PHACTR1: variants seen among roughly 807,000 people sequenced by gnomAD.
PHACTR1 encodes the protein RPEL repeat containing 1.
PHACTR1 carries 16 observed loss-of-function variants against 69.2 expected under a neutral mutation model. That is an observed-to-expected ratio of 0.23 (90% CI 0.16 to 0.35). The LOEUF is 0.35. PHACTR1 is among the 10% of genes least tolerant of loss of function. The pLI, the probability that PHACTR1 is intolerant of heterozygous loss-of-function variation, is 1.00. For synonymous variants in PHACTR1, 312 were observed against 284.5 expected (o/e 1.10, Z -0.97); for missense variants, 510 against 734.7 (o/e 0.69, Z 3.54).
chr6:12,801,898 G>A lies in PHACTR1; in HGVS notation c.250+52108G>A, dbSNP rs557171152. 2.0e-5 allele frequency among the ~76,000 whole-genome samples: 3 copies of A among 152,044 alleles called. No individual in the cohort carries two copies. The South Asian group carries it at 6.2e-4, about 32-fold the overall frequency. On this transcript the variant is annotated intron_variant, in intron 4 of 14. Coordinates refer to ENST00000332995, the MANE Select transcript of PHACTR1 (RefSeq NM_030948.6). ...TTTACTCATAGGAATCAGGAATTAG[G>A]TTTCCGAGGAGTGACTAAATAAATT...
At chr6:13,062,664 C>A (rs974253172) in intron 5 of PHACTR1, among the ~76,000 whole-genome samples, 1 of 152,318 alleles carries the variant, frequency 6.6e-6, no homozygotes, top group African/African-American at 2.4e-5. Context: ...CCCCAGATTT[C>A]TCATTCCTCT....
chr6:13,010,568 T>C (rs1799336604), intron 4 of PHACTR1, among the ~76,000 whole-genome samples: 1 of 152,080 alleles, frequency 6.6e-6, no homozygotes. Flanking sequence ...CACCCGGAGG[T>C]CTTGTTAAAA....
chr6:12,734,069 T>C, intron 3 of PHACTR1, among the ~76,000 whole-genome samples: 1 of 152,166 alleles, frequency 6.6e-6, no homozygotes, highest in East Asian at 1.9e-4. Flanking sequence ...CCCCAGCCCC[T>C]CTGCACAGTG....
chr6:12,943,246 T>C (rs577204503), intron 4 of PHACTR1, among the ~76,000 whole-genome samples: 1 of 152,328 alleles, frequency 6.6e-6, no homozygotes, highest in Non-Finnish European at 1.5e-5. Flanking sequence ...GAAAATACTA[T>C]GCCAAGAGAA....
chr6:13,043,577 G>A (rs1804545712), intron 4 of PHACTR1, among the ~76,000 whole-genome samples: 1 of 152,204 alleles, frequency 6.6e-6, no homozygotes, highest in Non-Finnish European at 1.5e-5. Context: ...GCCCATTTGG[G>A]CATATTAGTC....
chr6:13,076,235 T>TAGAACA (rs1810449472), intron 5 of PHACTR1, among the ~76,000 whole-genome samples: 1 of 152,066 alleles, frequency 6.6e-6, no homozygotes. Context: ...TGGCAGCCAA[T>TAGAACA]AATTACAGGG....
intron 3 of PHACTR1, among the ~76,000 whole-genome samples, chr6:12,722,336 C>A (rs1330173202): frequency 6.6e-6 from 1 of 152,220 alleles, no homozygotes; most frequent in Non-Finnish European, 1.5e-5. Context: ...TCCCACATGA[C>A]AGCCTCATAT....
At chr6:12,946,963 C>A (rs1214305300) in intron 4 of PHACTR1, among the ~76,000 whole-genome samples, 1 of 151,912 alleles carries the variant, frequency 6.6e-6, no homozygotes, top group African/African-American at 2.4e-5. Flanking sequence ...AAGGCACCCA[C>A]CACCACGGCT....
At chr6:12,797,707 A>C (rs943056677) in intron 4 of PHACTR1, among the ~76,000 whole-genome samples, 2 of 151,852 alleles carry the variant, frequency 1.3e-5, no homozygotes, top group African/African-American at 4.8e-5. Flanking sequence ...TCTCTTCCTC[A>C]CTCATCACAC....
intron 4 of PHACTR1, among the ~76,000 whole-genome samples, chr6:12,831,413 G>T (rs958481556): frequency 6.6e-6 from 1 of 151,498 alleles, no homozygotes; most frequent in African/African-American, 2.4e-5. Context: ...TTGCACTTCA[G>T]TGACCTAAGA....
intron 5 of PHACTR1, among the ~76,000 whole-genome samples, chr6:13,127,846 A>G (rs998126835): frequency 5.9e-5 from 9 of 152,116 alleles, no homozygotes; most frequent in Non-Finnish European, 4.4e-5. Context: ...GCATTGTATT[A>G]GTCCATTCTC....
intron 4 of PHACTR1, chr6:12,957,680 T>TGGA (rs1365739966): frequency 1.5e-5 from 15 of 985,516 alleles, no homozygotes; most frequent in Non-Finnish European, 1.8e-5. Context: ...GAGACCATCG[T>TGGA]GGAGGCGGTT....
chr6:12,733,202 T>C (rs1763784445), intron 3 of PHACTR1, among the ~76,000 whole-genome samples: 1 of 152,338 alleles, frequency 6.6e-6, no homozygotes, highest in African/African-American at 2.4e-5. Context: ...CATTTAACCG[T>C]GTAATTACTA....
intron 8 of PHACTR1, 45 bp from the exon 9 acceptor site, chr6:13,227,771 C>T (rs866131597): frequency 5.6e-6 from 9 of 1,599,302 alleles, no homozygotes; most frequent in Middle Eastern, 3.3e-4. Flanking sequence ...TTATATAGCA[C>T]GTTAGCCAAA....
chr6:13,063,378 A>G (rs182545867), intron 5 of PHACTR1, among the ~76,000 whole-genome samples: 17 of 152,310 alleles, frequency 1.1e-4, no homozygotes, highest in Admixed American at 1.1e-3. Context: ...AGGGATGTTT[A>G]ACCAAGGGGT....
intron 4 of PHACTR1, chr6:12,957,422 G>A (rs1792030507): frequency 2.0e-6 from 2 of 985,334 alleles, no homozygotes; most frequent in Non-Finnish European, 1.2e-6. Context: ...GGATCCCCGG[G>A]TTACTTTCTG....
Position 13,173,174 on chromosome 6 carries a change from A to C in PHACTR1, c.497-9345A>C, listed in dbSNP as rs545802210. 2.1e-3 allele frequency among the ~76,000 whole-genome samples: 326 copies of C among 152,356 alleles called. 1 individual carries two copies. Among genetic ancestry groups the C allele is most frequent in the Non-Finnish European group, 3.7e-3 (251 of 68,038 alleles). On this transcript the variant is annotated intron_variant, in intron 6 of 14. Coordinates refer to ENST00000332995, the MANE Select transcript of PHACTR1 (RefSeq NM_030948.6). Reference sequence around the variant, plus strand: ...TTGGAAAAGTCCAAAAGTGCCAAAGAACTAATGTATTTGGTTGGTACAAAT... The same window carrying C: ...TTGGAAAAGTCCAAAAGTGCCAAAGCACTAATGTATTTGGTTGGTACAAAT...
At position 13,177,379 on chromosome 6, in the gene PHACTR1, C is replaced by CTATA. The variant is rs879944972; in HGVS notation, c.497-5139_497-5138insATAT. On this transcript the variant is annotated intron_variant, in intron 6 of 14. Transcript: ENST00000332995. ...TCTCTCTTGCGCTCTCTCTCTCTCT[C>CTATA]TCTATATATATATACACACACACAC... Among the ~76,000 whole-genome samples, 47 of 145,800 alleles carry CTATA rather than the reference C, an allele frequency of 3.2e-4. 1 individual carries two copies. Among genetic ancestry groups the CTATA allele is most frequent in the South Asian group, 1.3e-3 (6 of 4,694 alleles).
intron 3 of PHACTR1, 128 bp downstream of exon 3, chr6:12,718,975 C>G: frequency 2.1e-6 from 1 of 479,030 alleles, no homozygotes; most frequent in East Asian, 3.1e-5. Context: ...TTGATAACCT[C>G]TACCAAACTG....
Sources: gnomAD v4.1 joint callset for allele counts (sites outside exome capture counted in the v4.1 genomes callset) on GRCh38, gnomAD v4.1.1 for gene constraint, MANE v1.5 for transcripts, NCBI Gene and HGNC (gene_info 2026-07-23, HGNC 2026-07-21) for gene names.